Variants in IRAK1BP1 observed in about 807,000 individuals in gnomAD.
The protein encoded by IRAK1BP1 is interleukin-1 receptor-associated kinase 1-binding protein 1.
Under a neutral mutation model 28.0 loss-of-function variants are expected in IRAK1BP1, and 24 were observed. That is an observed-to-expected ratio of 0.86 (90% CI 0.62 to 1.20). The LOEUF (loss-of-function observed/expected upper bound fraction) is 1.20. Among genes scored for constraint, IRAK1BP1 ranks in the 50% most tolerant of loss-of-function variants. The pLI is 0.00. For missense variants in IRAK1BP1, 336 were observed against 316.7 expected, an observed-to-expected ratio of 1.06 and a Z score of -0.46; for synonymous variants, 131 against 116.3, an observed-to-expected ratio of 1.13 and a Z score of -0.81.
At chr6:78,869,830 C>T (rs923835322) in intron 1 of IRAK1BP1, among the ~76,000 whole-genome samples, 3 of 151,210 alleles carry the variant, frequency 2.0e-5, no homozygotes, top group Admixed American at 1.3e-4. Flanking sequence ...GAGCCTGAGC[C>T]GGGCGTGGTG....
chr6:78,873,254 CAAAAAAAAAAAAAAA>C (rs35962544), intron 1 of IRAK1BP1, among the ~76,000 whole-genome samples: 49 of 41,104 alleles, frequency 1.2e-3, no homozygotes, highest in African/African-American at 4.9e-3. Flanking sequence ...AACTCTGTCT[CAAAAAAAAAAAAAAA>C]AAAAAAAAAA....
chr6:78,880,597 G>A (rs1375003597), intron 1 of IRAK1BP1, among the ~76,000 whole-genome samples: 6 of 152,154 alleles, frequency 3.9e-5, no homozygotes, highest in South Asian at 4.1e-4. Context: ...AAAATGAAAA[G>A]TCAGTCTATA....
At chr6:78,898,030 G>A (rs375358404) in intron 3 of IRAK1BP1, 34 bp from the exon 4 acceptor site, 7 of 1,604,522 alleles carry the variant, frequency 4.4e-6, no homozygotes, top group Non-Finnish European at 6.0e-6. Context: ...TTCATTGAGT[G>A]TCATATTAAT....
At chr6:78,978,733 T>C in the IRAK1BP1 span, 8 of 1,573,652 alleles carry the variant, frequency 5.1e-6, no homozygotes, top group African/African-American at 8.1e-5. Flanking sequence ...TAAGTAATAA[T>C]TGTTAAGTAA....
At chr6:78,873,045 CAGG>C (rs977591729) in intron 1 of IRAK1BP1, among the ~76,000 whole-genome samples, 7 of 151,800 alleles carry the variant, frequency 4.6e-5, no homozygotes, top group African/African-American at 1.7e-4. Context: ...TACTTGAGAT[CAGG>C]AGTTCAAGGC....
the IRAK1BP1 span, chr6:78,955,196 T>C: frequency 5.6e-6 from 8 of 1,432,668 alleles, no homozygotes; most frequent in African/African-American, 7.1e-5. Context: ...TTTTAATTCA[T>C]ATAAAGTACT....
downstream of IRAK1BP1, chr6:78,947,786 GA>G: frequency 6.3e-7 from 1 of 1,591,464 alleles, no homozygotes; most frequent in Non-Finnish European, 8.6e-7. Flanking sequence ...CTAGGAGAGG[GA>G]AAACAGGTGG....
At chr6:78,930,922 C>T (rs1773027349) in intron 4 of IRAK1BP1, among the ~76,000 whole-genome samples, 1 of 151,094 alleles carries the variant, frequency 6.6e-6, no homozygotes, top group African/African-American at 2.4e-5. Context: ...CAGAGTGAGA[C>T]TCTGTCAAAA....
intron 1 of IRAK1BP1, chr6:78,871,790 C>G: frequency 2.9e-6 from 1 of 340,114 alleles, no homozygotes; most frequent in East Asian, 5.6e-5. Flanking sequence ...GATGTTGCTT[C>G]TTTATTCTCT....
downstream of IRAK1BP1, chr6:78,946,461 G>A (rs893774444): frequency 1.1e-5 from 16 of 1,396,446 alleles, no homozygotes; most frequent in East Asian, 1.3e-4. Flanking sequence ...GTTATATGAC[G>A]GAAAGCATGA....
At chr6:78,974,839 T>C in the IRAK1BP1 span, among the ~76,000 whole-genome samples, 2 of 150,886 alleles carry the variant, frequency 1.3e-5, no homozygotes. Flanking sequence ...GTTGAATCTC[T>C]GAATAGACCA....
At chr6:78,907,079 A>G (rs184535713), downstream of IRAK1BP1, among the ~76,000 whole-genome samples, 100 of 152,314 alleles carry the variant, frequency 6.6e-4, 1 homozygote, top group South Asian at 8.1e-3. Context: ...TCACTACACT[A>G]TTTGTACACA....
At chr6:78,971,354 ATT>A in the IRAK1BP1 span, among the ~76,000 whole-genome samples, 1 of 152,236 alleles carries the variant, frequency 6.6e-6, no homozygotes, top group African/African-American at 2.4e-5. Context: ...TGAAGATCAA[ATT>A]TAAGTGACTC....
At chr6:78,933,668 CTTTTTT>C (rs35416532) in intron 4 of IRAK1BP1, among the ~76,000 whole-genome samples, 6 of 136,626 alleles carry the variant, frequency 4.4e-5, no homozygotes, top group African/African-American at 1.6e-4. Context: ...TAGCTTCCAA[CTTTTTT>C]TTTTTTTTTT....
chr6:78,927,227 G>T (rs1195293108), intron 4 of IRAK1BP1, among the ~76,000 whole-genome samples: 1 of 151,930 alleles, frequency 6.6e-6, no homozygotes, highest in Non-Finnish European at 1.5e-5. Context: ...CTGTCTTTTG[G>T]ATAAAAGCCA....
the IRAK1BP1 span, among the ~76,000 whole-genome samples, chr6:78,963,901 C>G: frequency 6.6e-6 from 1 of 152,128 alleles, no homozygotes; most frequent in African/African-American, 2.4e-5. Context: ...TCAAAATTCT[C>G]ATCACAAACT....
the IRAK1BP1 span, chr6:78,955,058 A>AT: frequency 1.0e-6 from 1 of 968,440 alleles, no homozygotes. Context: ...GTAATATACA[A>AT]TAATTCAAAC....
the IRAK1BP1 span, chr6:78,957,211 A>G: frequency 9.7e-4 from 147 of 152,144 alleles, no homozygotes; most frequent in African/African-American, 3.3e-3. Context: ...TTTTCATCTA[A>G]ATTATTTCAC....
chr6:78,888,942 AC>A (rs1354111574), intron 2 of IRAK1BP1, among the ~76,000 whole-genome samples: 1 of 151,370 alleles, frequency 6.6e-6, no homozygotes, highest in Non-Finnish European at 1.5e-5. Flanking sequence ...ACATGGTAAA[AC>A]CCTTCTCTAC....
Sources: allele counts gnomAD v4.1 joint callset (sites outside exome capture counted in the v4.1 genomes callset), GRCh38; gene constraint gnomAD v4.1.1; transcripts MANE v1.5; gene names NCBI Gene and HGNC (gene_info 2026-07-23, HGNC 2026-07-21).